Variants in FRMD1 observed in about 807,000 individuals in gnomAD.
The protein encoded by FRMD1 is FERM domain containing 1.
Under a neutral mutation model 54.9 loss-of-function variants are expected in FRMD1, and 51 were observed. That is an observed-to-expected ratio of 0.93 (90% CI 0.74 to 1.17). FRMD1 has a LOEUF of 1.17. Among genes scored for constraint, FRMD1 ranks in the 50% most tolerant of loss-of-function variants. The pLI, the probability that FRMD1 is intolerant of heterozygous loss-of-function variation, is 0.00. For missense variants in FRMD1, 729 were observed against 743.0 expected (o/e 0.98, Z 0.22); for synonymous variants, 324 against 306.4 (o/e 1.06, Z -0.60).
Position 168,079,202 on chromosome 6 carries a change from G to A in FRMD1, c.-108C>T. The A allele has an allele frequency of 7.0e-7, 1 of 1,426,640 alleles. No homozygotes were observed. Among genetic ancestry groups the A allele is most frequent in the South Asian group, 1.5e-5 (1 of 66,242 alleles). The allele number at this position is 1,426,640 out of a possible 1,614,324, so 88.4% of individuals were successfully genotyped here. ...CCCGCCCTTGCCGAGCTTCTCACTGGGAAGGGAATTGAGAGGGAAGCCTGG... is the reference window on the plus strand; with the variant it reads ...CCCGCCCTTGCCGAGCTTCTCACTGAGAAGGGAATTGAGAGGGAAGCCTGG... On this transcript the variant is annotated 5_prime_UTR_variant, in exon 1 of 11. Transcript: ENST00000283309.
At chr6:168,058,570 G>T (rs1478279361) in intron 10 of FRMD1, among the ~76,000 whole-genome samples, 1 of 152,028 alleles carries the variant, frequency 6.6e-6, no homozygotes, top group African/African-American at 2.4e-5. Context: ...GGGGTTGGGG[G>T]GTGGGGAGGG....
rs1056380357 is a variant in FRMD1, at chr6:168,059,686, C to T, written c.1343-498G>A. On this transcript the variant is annotated intron_variant, in intron 9 of 10. Transcript: ENST00000283309. This position sits in a 1 kb window ranked among gnomAD's most constrained non-coding sequence, Gnocchi z 4.4. ...TCAGGGCCGTGGGGACACTCAGAGA[C>T]CAGCAGAGCTCACGTCCCCTTTCTG... Among the ~76,000 whole-genome samples, 5 of 152,258 alleles carry T rather than the reference C, an allele frequency of 3.3e-5. No homozygotes were observed. The highest frequency in any genetic ancestry group is 2.9e-5 in the Non-Finnish European group (2 of 68,016).
At chr6:168,066,145 C>T in intron 4 of FRMD1, 1 of 987,402 alleles carries the variant, frequency 1.0e-6, no homozygotes, top group Non-Finnish European at 1.2e-6. Flanking sequence ...CCTCCAGAAG[C>T]CTCGCCCACC....
At chr6:168,087,646 T>G (rs1298131659) in intron 1 of FRMD1, among the ~76,000 whole-genome samples, 1 of 152,258 alleles carries the variant, frequency 6.6e-6, no homozygotes, top group African/African-American at 2.4e-5. Context: ...CGCTGGCATG[T>G]GAGATGCACG....
chr6:168,064,931 C>T lies in FRMD1; in HGVS notation c.588G>A (p.Glu196=). ...TCCCGGCATGGGCCGACTCCCGGTGCTCGCCCAGGTCAGCCTGCAGCGCGC... is the reference window on the plus strand; with the variant it reads ...TCCCGGCATGGGCCGACTCCCGGTGTTCGCCCAGGTCAGCCTGCAGCGCGC... ...AACALQADLG[E]HRESAHAGRY... The change falls in exon 5 of 11, where the codon GAG becomes GAA. Residue 196 remains glutamate (E), a synonymous_variant. Transcript: ENST00000283309. 6.2e-7 allele frequency: 1 copy of T among 1,608,406 alleles called. No homozygotes were observed. The highest frequency in any genetic ancestry group is 8.5e-7 in the Non-Finnish European group (1 of 1,178,090).
In FRMD1 at chr6:168,059,173, G is replaced by A. The variant is rs772067246; in HGVS notation, c.1358C>T (p.Pro453Leu). Reference sequence around the variant, plus strand: ...GCCTCTGGTCCTGACCTGGGTGCAGGGCTCCTGACGAGTGGCTGTGGGAGG... The same window carrying A: ...GCCTCTGGTCCTGACCTGGGTGCAGAGCTCCTGACGAGTGGCTGTGGGAGG... The part of the protein sequence containing the change: ...RGDSQATRQE[P>L]CTQVRTRGQS... The change falls in exon 10 of 11, where the codon CCC becomes CTC. Residue 453 changes from proline (P) to leucine (L), a missense_variant. Transcript: ENST00000283309. This position sits in a 1 kb window ranked among gnomAD's most constrained non-coding sequence, Gnocchi z 4.4. 6.3e-7 allele frequency: 1 copy of A among 1,586,282 alleles called. No individual in the cohort carries two copies. Among genetic ancestry groups the A allele is most frequent in the South Asian group, 1.1e-5 (1 of 87,300 alleles).
At chr6:168,067,274 G>T in intron 3 of FRMD1, 93 bp downstream of exon 3, 1 of 796,640 alleles carries the variant, frequency 1.3e-6, no homozygotes, top group Non-Finnish European at 2.1e-6. Context: ...ACAGCCCACC[G>T]CGGTGCCTGC....
intron 4 of FRMD1, chr6:168,066,536 A>G: frequency 7.8e-7 from 1 of 1,286,040 alleles, no homozygotes; most frequent in East Asian, 3.1e-5. Flanking sequence ...AAAAGAAAAG[A>G]AAAAGAAGTA....
intron 2 of FRMD1, among the ~76,000 whole-genome samples, chr6:168,067,785 C>T (rs1289424211): frequency 2.0e-5 from 3 of 152,218 alleles, no homozygotes; most frequent in Non-Finnish European, 1.5e-5. Context: ...AGGCACCCCT[C>T]TCTCAGCTAT....
upstream of FRMD1, among the ~76,000 whole-genome samples, chr6:168,079,904 C>T (rs1196927181): frequency 1.3e-5 from 2 of 152,204 alleles, no homozygotes; most frequent in Non-Finnish European, 2.9e-5. Flanking sequence ...CTCTTTGGCA[C>T]AGTGTTAGGT....
At position 168,059,505 on chromosome 6, in the gene FRMD1, G is replaced by A. The variant is rs1378933762; in HGVS notation, c.1343-317C>T. Reference sequence around the variant, plus strand: ...GACCAGACACTCCAAGGGCAATGGCGGACACAGTGGCTTAGTGACAGGAAT... The same window carrying A: ...GACCAGACACTCCAAGGGCAATGGCAGACACAGTGGCTTAGTGACAGGAAT... On this transcript the variant is annotated intron_variant, in intron 9 of 10. Coordinates refer to ENST00000283309, the MANE Select transcript of FRMD1 (RefSeq NM_024919.6). This position sits in a 1 kb window ranked among gnomAD's most constrained non-coding sequence, Gnocchi z 4.4. 1.3e-5 allele frequency among the ~76,000 whole-genome samples: 2 copies of A among 152,274 alleles called. No individual in the cohort carries two copies. Among genetic ancestry groups the A allele is most frequent in the African/African-American group, 2.4e-5 (1 of 41,542 alleles).
Position 168,059,003 on chromosome 6 carries a change from G to T in FRMD1, c.1407+121C>A. The T allele has an allele frequency of 1.4e-6, 1 of 720,650 alleles. No individual in the cohort carries two copies. Among genetic ancestry groups the T allele is most frequent in the Middle Eastern group, 3.4e-4 (1 of 2,930 alleles). 44.6% of individuals were successfully genotyped at this position (720,650 alleles called of 1,614,324 possible). On this transcript the variant is annotated intron_variant, in intron 10 of 10. Coordinates refer to ENST00000283309, the MANE Select transcript of FRMD1 (RefSeq NM_024919.6). The surrounding 1 kb of genome is among the most constrained non-coding windows in gnomAD (Gnocchi z 4.4). ...CTGACTTGCCCGCTGCGTCTCTGGG[G>T]ATGTCAGTCGAGGGACCCTCTGATA...
upstream of FRMD1, among the ~76,000 whole-genome samples, chr6:168,080,882 T>C (rs113724136): frequency 2.0e-5 from 3 of 150,256 alleles, no homozygotes; most frequent in South Asian, 4.2e-4. Context: ...CTGGTGTGTG[T>C]GGGCGCTGGT....
At chr6:168,091,738 CAT>C (rs1801019395) in intron 1 of FRMD1, among the ~76,000 whole-genome samples, 1 of 152,252 alleles carries the variant, frequency 6.6e-6, no homozygotes, top group Non-Finnish European at 1.5e-5. Context: ...GGAACCGAAT[CAT>C]AGCTCCTCAG....
chr6:168,076,390 G>C (rs1314612170), intron 1 of FRMD1, among the ~76,000 whole-genome samples: 1 of 152,244 alleles, frequency 6.6e-6, no homozygotes, highest in African/African-American at 2.4e-5. Context: ...TGGTTTGGCT[G>C]TGTCCCCACC....
chr6:168,083,089 T>C (rs926836998), upstream of FRMD1, among the ~76,000 whole-genome samples: 11 of 152,202 alleles, frequency 7.2e-5, no homozygotes, highest in Non-Finnish European at 4.4e-5. Context: ...AAAGGGCAGC[T>C]GGAGACAGCC....
chr6:168,069,234 G>A (rs1800182880), intron 2 of FRMD1, among the ~76,000 whole-genome samples: 4 of 152,214 alleles, frequency 2.6e-5, no homozygotes, highest in Admixed American at 2.6e-4. Flanking sequence ...CAGAGCCAGG[G>A]GTTAGCAAAC....
chr6:168,063,718 G>A lies in FRMD1; in HGVS notation c.687C>T (p.His229=). 6.2e-7 allele frequency: 1 copy of A among 1,613,616 alleles called. No homozygotes were observed. Among genetic ancestry groups the A allele is most frequent in the Non-Finnish European group, 8.5e-7 (1 of 1,179,690 alleles). Residue 229 remains histidine (H), a synonymous_variant, in exon 6 of 11, where the codon CAC becomes CAT. Coordinates refer to ENST00000283309, the MANE Select transcript of FRMD1 (RefSeq NM_024919.6). ...GGCGCTCACGGTGCAGGGTAGGCAT[G>A]TGCCGGAGGATGTAGTCAATCCCCC... ...TKRGIDYILR[H]MPTLHRERQG...
intron 1 of FRMD1, among the ~76,000 whole-genome samples, chr6:168,090,540 G>C (rs1490088903): frequency 6.6e-6 from 1 of 152,212 alleles, no homozygotes. Flanking sequence ...CGGCTCTGAT[G>C]CTGCATTCAT....
Sources: allele counts gnomAD v4.1 joint callset (sites outside exome capture counted in the v4.1 genomes callset), GRCh38; gene constraint gnomAD v4.1.1; non-coding constraint Gnocchi (gnomAD v3.1); transcripts MANE v1.5; gene names NCBI Gene and HGNC (gene_info 2026-07-23, HGNC 2026-07-21).